CAB39L: variants seen among roughly 807,000 people sequenced by gnomAD.
The protein encoded by CAB39L is calcium-binding protein 39-like.
A neutral mutation model predicts 39.1 loss-of-function variants in CAB39L; 23 were observed. The observed-to-expected ratio is 0.59, with a 90% CI of 0.42 to 0.83. The LOEUF (loss-of-function observed/expected upper bound fraction) is 0.83, where lower values mean the gene tolerates loss of function less well. Ranked by LOEUF, CAB39L falls within the 40% of genes least tolerant of loss-of-function variation. The pLI, the probability that CAB39L is intolerant of heterozygous loss-of-function variation, is 0.00. For missense variants in CAB39L, 366 were observed against 391.9 expected, an observed-to-expected ratio of 0.93 and a Z score of 0.56; for synonymous variants, 126 against 137.2, an observed-to-expected ratio of 0.92 and a Z score of 0.57.
chr13:49,362,453 G>A (rs955726352), intron 5 of CAB39L, among the ~76,000 whole-genome samples: 4 of 151,996 alleles, frequency 2.6e-5, no homozygotes, highest in African/African-American at 9.7e-5. Flanking sequence ...CAATTGACAT[G>A]CTGAAGAATG....
chr13:49,315,232 C>G (rs1954121797), intron 10 of CAB39L, among the ~76,000 whole-genome samples: 1 of 152,210 alleles, frequency 6.6e-6, no homozygotes, highest in African/African-American at 2.4e-5. Context: ...CACTGCACGT[C>G]CCTGTGGTCA....
At position 49,339,720 on chromosome 13, in the gene CAB39L, A is replaced by G. The variant is rs199783580; in HGVS notation, c.647T>C (p.Leu216Ser). The G allele has an allele frequency of 1.3e-6, 2 of 1,580,860 alleles. No homozygotes were observed. Among genetic ancestry groups the G allele is most frequent in the Non-Finnish European group, 1.7e-6 (2 of 1,165,470 alleles). Reference sequence around the variant, plus strand: ...AGTAACATAATTCTCAGACTGAAGCAATTTCTCATAGTCTTCAAAAATCTA... The same window carrying G: ...AGTAACATAATTCTCAGACTGAAGCGATTTCTCATAGTCTTCAAAAATCTA... ...YDTIFEDYEK[L>S]LQSENYVTKR... Residue 216 changes from leucine to serine, a missense_variant, in exon 9 of 11, where the codon TTG (leucine) becomes TCG (serine). Coordinates refer to ENST00000409308, the MANE Select transcript of CAB39L (RefSeq NM_001079670.3).
chr13:49,328,596 C>T (rs1184373309), intron 10 of CAB39L, among the ~76,000 whole-genome samples: 1 of 151,862 alleles, frequency 6.6e-6, no homozygotes, highest in Non-Finnish European at 1.5e-5. Flanking sequence ...TAATAGAGGC[C>T]AAGGCAGGAG....
At chr13:49,331,726 GA>G (rs1206883040) in intron 10 of CAB39L, among the ~76,000 whole-genome samples, 2 of 151,980 alleles carry the variant, frequency 1.3e-5, no homozygotes, top group African/African-American at 2.4e-5. Flanking sequence ...TTTTCTCCGT[GA>G]AAAAATAAAA....
chr13:49,372,894 C>T (rs79564966), intron 5 of CAB39L, among the ~76,000 whole-genome samples: 1 of 152,098 alleles, frequency 6.6e-6, no homozygotes, highest in African/African-American at 2.4e-5. Flanking sequence ...AGGATGGTCT[C>T]GATCTCCTGA....
chr13:49,411,366 C>T lies in CAB39L; in HGVS notation c.-32+21952G>A, dbSNP rs1248239744. Among the ~76,000 whole-genome samples, 5 of 147,398 alleles carry T rather than the reference C, an allele frequency of 3.4e-5. 1 individual carries two copies. Among genetic ancestry groups the T allele is most frequent in the African/African-American group, 7.6e-5 (3 of 39,722 alleles). On this transcript the variant is annotated intron_variant, in intron 3 of 10. Coordinates refer to ENST00000409308, the MANE Select transcript of CAB39L (RefSeq NM_001079670.3). ...CGGAGGTTGCAGTGAGCCGAGATAA[C>T]GTCACTGCACTCCAGCCTGGGCAAC...
Position 49,376,997 on chromosome 13 carries a change from C to T in CAB39L, c.246G>A (p.Leu82=). Residue 82 remains leucine (L), a synonymous_variant, in exon 5 of 11, where the codon CTG becomes CTA. Transcript: ENST00000409308. ...AGTCTATCAGCTGCAGGTCAGCTAT[C>T]AGTGTCACTAGCAGGCCACTGCTGT... ...ELYSSGLLVT[L]IADLQLIDFE... is the part of the protein sequence containing the mutation. 2 of 1,612,332 alleles carry T rather than the reference C, an allele frequency of 1.2e-6. No homozygotes were observed. Among genetic ancestry groups the T allele is most frequent in the Non-Finnish European group, 1.7e-6 (2 of 1,178,872 alleles).
intron 10 of CAB39L, among the ~76,000 whole-genome samples, chr13:49,331,498 T>C (rs1313057393): frequency 6.6e-6 from 1 of 151,922 alleles, no homozygotes; most frequent in East Asian, 1.9e-4. Flanking sequence ...AAAACCACTA[T>C]TGTCTAAAGG....
intron 10 of CAB39L, among the ~76,000 whole-genome samples, chr13:49,330,706 T>A (rs966098093): frequency 1.3e-5 from 2 of 150,284 alleles, no homozygotes; most frequent in African/African-American, 4.8e-5. Context: ...ATTATTTATT[T>A]TTTATTTATT....
chr13:49,380,911 G>A (rs991322635), intron 4 of CAB39L, among the ~76,000 whole-genome samples: 2 of 151,976 alleles, frequency 1.3e-5, no homozygotes, highest in African/African-American at 4.8e-5. Flanking sequence ...TCTGCTTCTT[G>A]GGTGACGCTA....
At chr13:49,332,262 T>C (rs1351669163) in intron 9 of CAB39L, among the ~76,000 whole-genome samples, 172 bp from the exon 10 acceptor site, 12 of 152,324 alleles carry the variant, frequency 7.9e-5, no homozygotes, top group Admixed American at 2.6e-4. Context: ...GCAATAGTTA[T>C]TGAGCAATTT....
At chr13:49,315,829 G>A (rs1954140867) in intron 10 of CAB39L, among the ~76,000 whole-genome samples, 1 of 147,744 alleles carries the variant, frequency 6.8e-6, no homozygotes, top group South Asian at 2.1e-4. Flanking sequence ...AGGTTGCAGT[G>A]AGCCAAGATC....
At chr13:49,320,117 C>T (rs1005854069) in intron 10 of CAB39L, among the ~76,000 whole-genome samples, 6 of 152,256 alleles carry the variant, frequency 3.9e-5, no homozygotes, top group African/African-American at 1.4e-4. Flanking sequence ...TGCAATAGTG[C>T]ATGATTCCCT....
chr13:49,427,964 C>A (rs1448694008), intron 3 of CAB39L, among the ~76,000 whole-genome samples: 1 of 152,106 alleles, frequency 6.6e-6, no homozygotes. Context: ...GACAGCTACA[C>A]CCTAATGACT....
intron 9 of CAB39L, among the ~76,000 whole-genome samples, chr13:49,338,570 G>A (rs1349225599): frequency 6.6e-6 from 1 of 151,754 alleles, no homozygotes; most frequent in African/African-American, 2.4e-5. Flanking sequence ...GTTAGTGGGT[G>A]CAGTGCAACA....
chr13:49,324,473 A>G (rs554963448), intron 10 of CAB39L, among the ~76,000 whole-genome samples: 2 of 152,374 alleles, frequency 1.3e-5, no homozygotes, highest in South Asian at 4.1e-4. Flanking sequence ...AACAAATCAG[A>G]GGAAAATTCC....
At chr13:49,392,283 A>G (rs966112645) in intron 3 of CAB39L, among the ~76,000 whole-genome samples, 2 of 152,170 alleles carry the variant, frequency 1.3e-5, no homozygotes, top group African/African-American at 2.4e-5. Context: ...TAAAGGCTAT[A>G]TTAAATAGTT....
At chr13:49,329,677 G>C (rs1040564834) in intron 10 of CAB39L, among the ~76,000 whole-genome samples, 6 of 148,878 alleles carry the variant, frequency 4.0e-5, no homozygotes, top group Non-Finnish European at 7.4e-5. Context: ...CTTATAAACT[G>C]CCATGCCTCC....
At chr13:49,372,832 G>A (rs977954989) in intron 5 of CAB39L, among the ~76,000 whole-genome samples, 7 of 151,924 alleles carry the variant, frequency 4.6e-5, no homozygotes, top group South Asian at 2.1e-4. Flanking sequence ...CCGCCACCAC[G>A]CCCGGCTAAT....
Sources: allele counts gnomAD v4.1 joint callset (sites outside exome capture counted in the v4.1 genomes callset), GRCh38; gene constraint gnomAD v4.1.1; transcripts MANE v1.5; gene names NCBI Gene and HGNC (gene_info 2026-07-23, HGNC 2026-07-21).